Variants in INTS9 observed in about 807,000 individuals in gnomAD.
INTS9 encodes the protein integrator complex subunit 9, also known as protein related to CPSF subunits of 74 kDa.
In INTS9, 55 loss-of-function variants were observed where a neutral mutation model predicts 79.7. That is an observed-to-expected ratio of 0.69 (90% CI 0.56 to 0.86). The LOEUF is 0.86. Ranked by LOEUF, INTS9 falls within the 40% of genes least tolerant of loss-of-function variation. The pLI, the probability that INTS9 is intolerant of heterozygous loss-of-function variation, is 0.00. For synonymous variants in INTS9, 319 were observed against 325.2 expected (o/e 0.98, Z 0.20); for missense variants, 721 against 831.5 (o/e 0.87, Z 1.64).
chr8:28,817,894 G>C (rs996774987), intron 6 of INTS9, among the ~76,000 whole-genome samples: 6 of 151,302 alleles, frequency 4.0e-5, no homozygotes, highest in African/African-American at 1.2e-4. Context: ...TGGATTCCTA[G>C]GTATTTTATT....
In INTS9 at chr8:28,812,631, G is replaced by C. The variant is rs1385084782; in HGVS notation, c.610-170C>G. ...CACGCCTGTAATCCCAGCACTTTGGGAGGCTGAGGCCAGGAGTTCAAGACC... is the reference window on the plus strand; with the variant it reads ...CACGCCTGTAATCCCAGCACTTTGGCAGGCTGAGGCCAGGAGTTCAAGACC... On this transcript the variant is annotated intron_variant, in intron 7 of 16. Transcript: ENST00000521022. Among the ~76,000 whole-genome samples the C allele has an allele frequency of 2.6e-5, 4 of 152,196 alleles. No individual in the cohort carries two copies. The East Asian group carries it at 7.7e-4, about 29-fold the overall frequency.
At chr8:28,831,891 T>TG (rs1490185491) in intron 6 of INTS9, among the ~76,000 whole-genome samples, 12 of 151,756 alleles carry the variant, frequency 7.9e-5, no homozygotes, top group South Asian at 2.1e-4. Flanking sequence ...TTGGTAGAGA[T>TG]GGGGGGTTTC....
intron 10 of INTS9, among the ~76,000 whole-genome samples, chr8:28,790,878 C>G (rs1803883559): frequency 6.6e-6 from 1 of 152,204 alleles, no homozygotes; most frequent in African/African-American, 2.4e-5. Context: ...ACAAGTTTCA[C>G]CTGCACATCC....
intron 1 of INTS9, among the ~76,000 whole-genome samples, chr8:28,859,910 T>G (rs997594805): frequency 1.3e-5 from 2 of 152,246 alleles, no homozygotes; most frequent in Non-Finnish European, 2.9e-5. Flanking sequence ...TGTATGTAAG[T>G]ACTGTCTAAA....
chr8:28,776,427 G>GTTT (rs72163162), intron 13 of INTS9, among the ~76,000 whole-genome samples: 83 of 85,294 alleles, frequency 9.7e-4, no homozygotes, highest in Middle Eastern at 6.0e-3. Flanking sequence ...CAGAGGCAGA[G>GTTT]TTTTTTTTTT....
At chr8:28,776,851 T>C (rs971702939) in intron 13 of INTS9, among the ~76,000 whole-genome samples, 1 of 152,032 alleles carries the variant, frequency 6.6e-6, no homozygotes, top group Non-Finnish European at 1.5e-5. Flanking sequence ...CAAGAGCTGG[T>C]TTAGGGACTG....
At chr8:28,769,808 C>A in intron 16 of INTS9, 81 bp downstream of exon 16, 1 of 1,551,666 alleles carries the variant, frequency 6.4e-7, no homozygotes, top group Non-Finnish European at 8.8e-7. Context: ...AACATCCACT[C>A]CCTGCAGCCA....
In INTS9 at chr8:28,870,236, CGAGTGGTTGATCATACTGGAACT is replaced by C. The variant is rs1446133233; in HGVS notation, c.10-10696_10-10674del. 8.6e-4 allele frequency among the ~76,000 whole-genome samples: 129 copies of C among 150,332 alleles called. 2 individuals carry two copies. The highest frequency in any genetic ancestry group is 7.0e-3 in the Middle Eastern group (2 of 286). On this transcript the variant is annotated intron_variant, in intron 1 of 16. Coordinates refer to ENST00000521022, the MANE Select transcript of INTS9 (RefSeq NM_018250.4). ...CTGATTGAAGTGGTTACCACAGGGG[CGAGTGGTTGATCATACTGGAACT>C]CTCACTTTCTACTTAGATACTTCTG...
At chr8:28,850,768 G>A (rs1211760877) in intron 2 of INTS9, among the ~76,000 whole-genome samples, 1 of 152,160 alleles carries the variant, frequency 6.6e-6, no homozygotes, top group African/African-American at 2.4e-5. Flanking sequence ...CACGCTTTGG[G>A]TTCACAGCTT....
chr8:28,815,894 A>G (rs1287285173), intron 6 of INTS9, among the ~76,000 whole-genome samples: 1 of 152,192 alleles, frequency 6.6e-6, no homozygotes, highest in African/African-American at 2.4e-5. Context: ...CACAGTGTAC[A>G]CTTGAGAATA....
intron 8 of INTS9, among the ~76,000 whole-genome samples, chr8:28,800,066 T>C (rs1585375603): frequency 6.6e-6 from 1 of 152,200 alleles, no homozygotes. Context: ...TCAGCACTGA[T>C]CACTCCAAAC....
intron 11 of INTS9, among the ~76,000 whole-genome samples, chr8:28,781,298 A>G (rs1422799976): frequency 6.6e-6 from 1 of 152,234 alleles, no homozygotes; most frequent in African/African-American, 2.4e-5. Context: ...TCCACACCGT[A>G]TGTCATTAGG....
At chr8:28,781,976 G>A (rs1050243438) in intron 11 of INTS9, among the ~76,000 whole-genome samples, 11 of 152,288 alleles carry the variant, frequency 7.2e-5, no homozygotes, top group African/African-American at 9.6e-5. Context: ...CGTAGCAAAC[G>A]CACCTCTCTG....
chr8:28,810,781 C>CT (rs61546070), intron 8 of INTS9, among the ~76,000 whole-genome samples: 32,181 of 152,048 alleles, frequency 0.21, 3,921 homozygotes, highest in East Asian at 0.46. Context: ...TTACAAATAC[C>CT]AAAAAGGAGT....
intron 6 of INTS9, among the ~76,000 whole-genome samples, chr8:28,823,822 G>A (rs555505590): frequency 2.4e-4 from 37 of 152,174 alleles, no homozygotes; most frequent in African/African-American, 3.4e-4. Context: ...TTATATGGCC[G>A]GTGAATTGCA....
At chr8:28,814,559 A>G (rs1490359342) in intron 6 of INTS9, among the ~76,000 whole-genome samples, 1 of 152,194 alleles carries the variant, frequency 6.6e-6, no homozygotes, top group African/African-American at 2.4e-5. Flanking sequence ...TTGAAAAAAG[A>G]GACGAGATAC....
chr8:28,832,257 G>T (rs545569932), intron 6 of INTS9, among the ~76,000 whole-genome samples: 1 of 152,112 alleles, frequency 6.6e-6, no homozygotes, highest in Non-Finnish European at 1.5e-5. Context: ...AGGGAGCTGG[G>T]AACAAGAATG....
At chr8:28,779,374 G>A (rs1033933824) in intron 12 of INTS9, among the ~76,000 whole-genome samples, 6 of 152,156 alleles carry the variant, frequency 3.9e-5, no homozygotes, top group Non-Finnish European at 8.8e-5. Flanking sequence ...AGCCGGCCTG[G>A]CACCCACAGC....
intron 1 of INTS9, among the ~76,000 whole-genome samples, chr8:28,861,232 A>G (rs1808441833): frequency 6.6e-6 from 1 of 152,228 alleles, no homozygotes; most frequent in Non-Finnish European, 1.5e-5. Flanking sequence ...AGGATTACAG[A>G]AAATTTTTTC....
Sources: gnomAD v4.1 joint callset for allele counts (sites outside exome capture counted in the v4.1 genomes callset) on GRCh38, gnomAD v4.1.1 for gene constraint, MANE v1.5 for transcripts, NCBI Gene and HGNC (gene_info 2026-07-23, HGNC 2026-07-21) for gene names.